The following TTC29 variants were observed in gnomAD, a reference collection of about 807,000 sequenced individuals.
TTC29 encodes tetratricopeptide repeat domain 29.
TTC29 carries 49 observed loss-of-function variants against 58.1 expected under a neutral mutation model. That is an observed-to-expected ratio of 0.84 (90% CI 0.67 to 1.07). TTC29 has a LOEUF of 1.07. Among genes scored for constraint, TTC29 ranks in the 50% least tolerant of loss-of-function variants. TTC29 has a pLI of 0.00. For synonymous variants in TTC29, 209 were observed against 196.8 expected (o/e 1.06, Z -0.52); for missense variants, 582 against 555.6 (o/e 1.05, Z -0.48).
At position 146,909,208 on chromosome 4, in the gene TTC29, A is replaced by C. The variant is rs1257556997; in HGVS notation, c.218T>G (p.Leu73Arg). 6.2e-7 allele frequency: 1 copy of C among 1,613,370 alleles called. No individual in the cohort carries two copies. Among genetic ancestry groups the C allele is most frequent in the Non-Finnish European group, 8.5e-7 (1 of 1,179,792 alleles). ...GAAGGACTTATGATAACCATCTCGC[A>C]GCATGTCCACACAGATATTCTTCTT... is the stretch of plus-strand genomic sequence containing the variant. ...SYKKNICVDM[L>R]RDGYHKSFTE... Residue 73 changes from leucine (L) to arginine (R), a missense_variant, in exon 5 of 13, where the codon CTG becomes CGG. Transcript: ENST00000325106.
chr4:146,944,261 A>C (rs1736710073), intron 2 of TTC29: 2 of 152,118 alleles, frequency 1.3e-5, no homozygotes. Context: ...AAGCCATTCC[A>C]CTGTTGGTAT....
At chr4:146,757,812 G>A (rs146514517) in intron 11 of TTC29, among the ~76,000 whole-genome samples, 5 of 152,008 alleles carry the variant, frequency 3.3e-5, no homozygotes, top group African/African-American at 1.2e-4. Context: ...GCTAAAAAGA[G>A]CTCTAAATCT....
intron 11 of TTC29, among the ~76,000 whole-genome samples, chr4:146,776,373 G>A (rs1230551959): frequency 6.6e-6 from 1 of 151,856 alleles, no homozygotes; most frequent in Non-Finnish European, 1.5e-5. Flanking sequence ...CAGAGTTCTT[G>A]CTCTGGTTCT....
chr4:146,845,632 T>C (rs1729113697), intron 8 of TTC29, among the ~76,000 whole-genome samples: 1 of 152,162 alleles, frequency 6.6e-6, no homozygotes, highest in Non-Finnish European at 1.5e-5. Context: ...AATGCAGAAA[T>C]GTCAATATCT....
At chr4:146,866,612 C>A (rs1259290155) in intron 8 of TTC29, among the ~76,000 whole-genome samples, 3 of 152,066 alleles carry the variant, frequency 2.0e-5, no homozygotes, top group Non-Finnish European at 4.4e-5. Context: ...GTATCAGAAA[C>A]AAAGTTTTGC....
At chr4:146,854,331 C>CT (rs1729701573) in intron 8 of TTC29, among the ~76,000 whole-genome samples, 1 of 152,098 alleles carries the variant, frequency 6.6e-6, no homozygotes, top group South Asian at 2.1e-4. Context: ...CAGAGAATGC[C>CT]TTGTAAGCTT....
rs914728858 is a variant in TTC29 at position 146,850,685 on chromosome 4, T to A, written c.886-16788A>T. On this transcript the variant is annotated intron_variant, in intron 8 of 12. Coordinates refer to ENST00000325106, the MANE Select transcript of TTC29 (RefSeq NM_031956.4). ...TCCTAATGATTATCTGGCTAATGCTTTCCCATTCCTATGTAACATATTACA... is the reference window on the plus strand; with the variant it reads ...TCCTAATGATTATCTGGCTAATGCTATCCCATTCCTATGTAACATATTACA... Among the ~76,000 whole-genome samples, 3 of 152,340 alleles carry A rather than the reference T, an allele frequency of 2.0e-5. No homozygotes were observed. The South Asian group carries it at 6.2e-4, about 32-fold the overall frequency.
chr4:146,903,263 G>C (rs1002582831), intron 6 of TTC29, among the ~76,000 whole-genome samples: 1 of 151,950 alleles, frequency 6.6e-6, no homozygotes, highest in Non-Finnish European at 1.5e-5. Flanking sequence ...TGTGTAGAGG[G>C]GTTGGGGAGA....
intron 11 of TTC29, among the ~76,000 whole-genome samples, chr4:146,707,803 T>C (rs764811905): frequency 6.6e-6 from 1 of 152,136 alleles, no homozygotes; most frequent in Non-Finnish European, 1.5e-5. Flanking sequence ...TTCTTGAAAT[T>C]GAGCTACCCT....
At chr4:146,887,179 T>G (rs1195893360) in intron 6 of TTC29, among the ~76,000 whole-genome samples, 5 of 152,144 alleles carry the variant, frequency 3.3e-5, no homozygotes, top group African/African-American at 7.2e-5. Flanking sequence ...TATTGGGAAC[T>G]TAAAAATCTT....
chr4:146,845,841 A>C (rs1729132765), intron 8 of TTC29, among the ~76,000 whole-genome samples: 1 of 148,442 alleles, frequency 6.7e-6, no homozygotes, highest in African/African-American at 2.5e-5. Flanking sequence ...ACACACACAC[A>C]CCACTTCTTT....
intron 11 of TTC29, among the ~76,000 whole-genome samples, chr4:146,715,846 T>C (rs1742889253): frequency 6.6e-6 from 1 of 152,204 alleles, no homozygotes; most frequent in African/African-American, 2.4e-5. Flanking sequence ...TCATTACACA[T>C]TGTAAACACG....
intron 11 of TTC29, among the ~76,000 whole-genome samples, chr4:146,779,519 T>A (rs1748408286): frequency 6.6e-6 from 1 of 152,190 alleles, no homozygotes; most frequent in Non-Finnish European, 1.5e-5. Context: ...TTAATTGGAA[T>A]CTATTGGTAA....
intron 10 of TTC29, among the ~76,000 whole-genome samples, chr4:146,814,871 C>A (rs1751291737): frequency 6.6e-6 from 1 of 151,836 alleles, no homozygotes; most frequent in Admixed American, 6.6e-5. Context: ...CAGAGCATTT[C>A]ATGTAGAGCA....
intron 11 of TTC29, among the ~76,000 whole-genome samples, chr4:146,777,439 G>C (rs533471674): frequency 1.9e-4 from 28 of 151,350 alleles, no homozygotes; most frequent in Admixed American, 6.6e-4. Context: ...TTATTTGTGT[G>C]TTCTGGACAC....
intron 4 of TTC29, among the ~76,000 whole-genome samples, chr4:146,935,308 A>G (rs1735702554): frequency 1.3e-5 from 2 of 152,202 alleles, no homozygotes; most frequent in Admixed American, 6.5e-5. Flanking sequence ...TATGTGTACT[A>G]TGGGATATCA....
chr4:146,788,952 T>G (rs1749239275), intron 11 of TTC29, among the ~76,000 whole-genome samples: 1 of 152,160 alleles, frequency 6.6e-6, no homozygotes, highest in South Asian at 2.1e-4. Context: ...ACTTTTGAAC[T>G]GATTTTTAAA....
chr4:146,857,180 C>G (rs943755488), intron 8 of TTC29, among the ~76,000 whole-genome samples: 1 of 151,648 alleles, frequency 6.6e-6, no homozygotes, highest in Non-Finnish European at 1.5e-5. Flanking sequence ...TTAAAAAACC[C>G]TTTCTTTTGC....
chr4:146,756,736 T>C (rs1365503887), intron 11 of TTC29, among the ~76,000 whole-genome samples: 1 of 151,838 alleles, frequency 6.6e-6, no homozygotes, highest in Non-Finnish European at 1.5e-5. Context: ...TTTTATTCTT[T>C]TTTTTTTGTC....
Sources: gnomAD v4.1 joint callset for allele counts (sites outside exome capture counted in the v4.1 genomes callset) on GRCh38, gnomAD v4.1.1 for gene constraint, MANE v1.5 for transcripts, NCBI Gene and HGNC (gene_info 2026-07-23, HGNC 2026-07-21) for gene names.